The following PCSK6 variants were observed in gnomAD, a reference collection of about 807,000 sequenced individuals.
The protein encoded by PCSK6 is proprotein convertase subtilisin/kexin type 6.
PCSK6 carries 85 observed loss-of-function variants against 123.3 expected under a neutral mutation model. The ratio of observed to expected loss-of-function variants is 0.69; its 90% confidence interval spans 0.58 to 0.83. PCSK6 has a LOEUF of 0.83. Ranked by LOEUF, PCSK6 falls within the 40% of genes least tolerant of loss-of-function variation. The probability of loss-of-function intolerance (pLI) is 0.00; values close to 1 mark genes in which losing one functional copy is unlikely to be tolerated. For synonymous variants in PCSK6, 508 were observed against 516.0 expected (o/e 0.98, Z 0.21); for missense variants, 1,191 against 1,282.3 (o/e 0.93, Z 1.09).
rs116967968 is a variant in PCSK6, at chr15:101,406,778, G to A, written c.824-8202C>T. Among the ~76,000 whole-genome samples, 665 of 152,192 alleles carry A rather than the reference G, an allele frequency of 4.4e-3. 8 individuals are homozygous for A. In the East Asian group the frequency reaches 0.061, roughly 14 times the overall value. ...CGTGACATGAAGTGTGTGGGGACGC[G>A]CGGGGGATCACCAAGCCAAATCTCT... On this transcript the variant is annotated intron_variant, in intron 6 of 21. Coordinates refer to ENST00000611716, the MANE Select transcript of PCSK6 (RefSeq NM_002570.5).
intron 1 of PCSK6, among the ~76,000 whole-genome samples, chr15:101,480,571 C>T (rs888410327): frequency 6.6e-6 from 1 of 152,208 alleles, no homozygotes; most frequent in African/African-American, 2.4e-5. Context: ...AGACAGGGGG[C>T]CTTGCGCCTG....
intron 1 of PCSK6, among the ~76,000 whole-genome samples, chr15:101,465,034 C>T (rs1302957814): frequency 6.6e-6 from 1 of 152,184 alleles, no homozygotes. Flanking sequence ...GATCAGATGC[C>T]GCTTGACACA....
At chr15:101,390,100 C>G (rs1464254875) in intron 8 of PCSK6, among the ~76,000 whole-genome samples, 1 of 94,080 alleles carries the variant, frequency 1.1e-5, no homozygotes, top group Non-Finnish European at 2.2e-5. Flanking sequence ...TCCACCAGGA[C>G]GTCCTCCTGA....
intron 13 of PCSK6, among the ~76,000 whole-genome samples, chr15:101,361,126 G>A (rs528963374): frequency 1.7e-4 from 25 of 148,966 alleles, no homozygotes; most frequent in Non-Finnish European, 1.6e-4. Flanking sequence ...TAAGACTTCC[G>A]TATCCCTATT....
chr15:101,409,356 C>A (rs540734672), intron 6 of PCSK6, among the ~76,000 whole-genome samples: 2 of 152,020 alleles, frequency 1.3e-5, no homozygotes, highest in Admixed American at 6.6e-5. Context: ...GCGGCCGAGG[C>A]GGGCGGATCA....
At chr15:101,402,090 G>C (rs2042605629) in intron 6 of PCSK6, among the ~76,000 whole-genome samples, 1 of 150,654 alleles carries the variant, frequency 6.6e-6, no homozygotes, top group Non-Finnish European at 1.5e-5. Context: ...CAATGGAACA[G>C]AACAGAGCCC....
rs1264289494 is a variant in PCSK6, at chr15:101,431,452, G to A, written c.525C>T (p.Asp175=). ...WSNMWYLHCG[D]KNSRCRSEMN... is the part of the protein sequence containing the mutation. ...TTTCCGACCGGCAGCGACTGTTCTT[G>A]TCGCCACAATGCTGTAAGCACGAAA... Residue 175 remains aspartate (D), a synonymous_variant, in exon 4 of 22, where the codon GAC becomes GAT. Transcript: ENST00000611716. 29 of 1,613,662 alleles carry A rather than the reference G, an allele frequency of 1.8e-5. No individual in the cohort carries two copies. The highest frequency in any genetic ancestry group is 2.3e-5 in the Non-Finnish European group (27 of 1,179,786).
At chr15:101,384,501 G>A in intron 9 of PCSK6, 76 bp from the exon 10 acceptor site, 4 of 1,257,614 alleles carry the variant, frequency 3.2e-6, no homozygotes, top group Non-Finnish European at 3.4e-6. Flanking sequence ...GAGGCAGGGG[G>A]TCGGCAGCCA....
At chr15:101,476,945 A>G (rs1379739475) in intron 1 of PCSK6, among the ~76,000 whole-genome samples, 1 of 152,182 alleles carries the variant, frequency 6.6e-6, no homozygotes, top group Non-Finnish European at 1.5e-5. Flanking sequence ...AGACGCCATA[A>G]CCAGGGACCC....
At chr15:101,389,637 A>T in intron 8 of PCSK6, 73 bp from the exon 9 acceptor site, 1 of 1,209,006 alleles carries the variant, frequency 8.3e-7, no homozygotes, top group Non-Finnish European at 1.2e-6. Context: ...AGGCTGGGCT[A>T]CTTCAGGTGC....
Position 101,393,552 on chromosome 15 carries a change from C to T in PCSK6, c.997-128G>A, listed in dbSNP as rs550505289. ...GATAAGAAGGTTGCATTCAGACCAT[C>T]TGGATGCTGCTGAGAGCATGGTTTT... is the stretch of plus-strand genomic sequence containing the variant. On this transcript the variant is annotated intron_variant, in intron 7 of 21. Coordinates refer to ENST00000611716, the MANE Select transcript of PCSK6 (RefSeq NM_002570.5). 37 of 660,854 alleles carry T rather than the reference C, an allele frequency of 5.6e-5. 1 individual carries two copies. In the South Asian group the frequency reaches 6.7e-4, roughly 12 times the overall value. The allele number at this position is 660,854 out of a possible 1,614,324, so 40.9% of individuals were successfully genotyped here.
At chr15:101,446,613 G>A (rs1195733202) in intron 1 of PCSK6, among the ~76,000 whole-genome samples, 4 of 152,164 alleles carry the variant, frequency 2.6e-5, no homozygotes, top group Non-Finnish European at 5.9e-5. Flanking sequence ...TTGCAACAGA[G>A]ACCCTAGAGC....
At chr15:101,328,176 C>T (rs1341693473) in intron 15 of PCSK6, among the ~76,000 whole-genome samples, 3 of 152,334 alleles carry the variant, frequency 2.0e-5, no homozygotes, top group East Asian at 1.9e-4. Flanking sequence ...GCTGGCCCAG[C>T]GAACGCGGGG....
intron 10 of PCSK6, among the ~76,000 whole-genome samples, chr15:101,383,409 C>CCA (rs1645535168): frequency 1.3e-5 from 1 of 76,512 alleles, no homozygotes; most frequent in Non-Finnish European, 2.5e-5. Context: ...GACTCTGTCT[C>CCA]AAAAAAAAAA....
Position 101,391,801 on chromosome 15 carries a change from C to T in PCSK6, c.1209+1411G>A, listed in dbSNP as rs2042241403. Among the ~76,000 whole-genome samples, 7 of 88,788 alleles carry T rather than the reference C, an allele frequency of 7.9e-5. No homozygotes were observed. In the Admixed American group the frequency reaches 8.8e-4, roughly 11 times the overall value. 58.2% of individuals were successfully genotyped at this position (88,788 alleles called of 152,430 possible). ...TGGACTCTAGTAGAGCTGAAAATAA[C>T]ACCCCTCCTGTCAGAGCAGACTTCC... is the stretch of plus-strand genomic sequence containing the variant. On this transcript the variant is annotated intron_variant, in intron 8 of 21. Coordinates refer to ENST00000611716, the MANE Select transcript of PCSK6 (RefSeq NM_002570.5).
chr15:101,370,008 C>T (rs773816535), intron 12 of PCSK6, among the ~76,000 whole-genome samples: 8 of 152,238 alleles, frequency 5.3e-5, no homozygotes, highest in African/African-American at 1.7e-4. Context: ...TAATGCACTT[C>T]TAAGCAAAGA....
rs1435541076 is a variant in PCSK6 at position 101,307,327 on chromosome 15, T to C, written c.2700-2A>G. ...CAGCTCAAGCAGTTCTCGTCACACC[T>C]GTGGGAAGATACCGTTCCTGCTGAA... On this transcript the variant is annotated splice_acceptor_variant, in intron 20 of 21. Coordinates refer to ENST00000611716, the MANE Select transcript of PCSK6 (RefSeq NM_002570.5). LOFTEE classifies it high-confidence loss of function. The C allele has an allele frequency of 6.2e-7, 1 of 1,608,452 alleles. No homozygotes were observed. Among genetic ancestry groups the C allele is most frequent in the African/African-American group, 1.3e-5 (1 of 74,856 alleles).
At chr15:101,371,591 T>A (rs1426529381) in intron 11 of PCSK6, among the ~76,000 whole-genome samples, 1 of 152,246 alleles carries the variant, frequency 6.6e-6, no homozygotes, top group African/African-American at 2.4e-5. Flanking sequence ...GGCACTGGCC[T>A]GAGAATTTCC....
intron 6 of PCSK6, among the ~76,000 whole-genome samples, chr15:101,412,376 T>G (rs12901903): frequency 0.042 from 6,469 of 152,296 alleles, 187 homozygotes; most frequent in South Asian, 0.072. Context: ...TGACAGACAT[T>G]TTATTCATTT....
Sources: allele counts gnomAD v4.1 joint callset (sites outside exome capture counted in the v4.1 genomes callset), GRCh38; gene constraint gnomAD v4.1.1; transcripts MANE v1.5; gene names NCBI Gene and HGNC (gene_info 2026-07-23, HGNC 2026-07-21).